Variants in DLG2 observed in about 807,000 individuals in gnomAD.
DLG2 encodes discs large MAGUK scaffold protein 2, also known as disks large homolog 2.
DLG2 carries 45 observed loss-of-function variants against 132.5 expected under a neutral mutation model. The ratio of observed to expected loss-of-function variants is 0.34; its 90% CI spans 0.27 to 0.44. The LOEUF is 0.44. DLG2 is among the 20% of genes least tolerant of loss of function. DLG2 has a pLI of 1.00. For missense variants in DLG2, 1,045 were observed against 1,196.9 expected (o/e 0.87, Z 1.87); for synonymous variants, 424 against 419.6 (o/e 1.01, Z -0.13).
intron 4 of DLG2, among the ~76,000 whole-genome samples, chr11:85,186,929 C>T (rs1429403720): frequency 6.6e-6 from 1 of 151,980 alleles, no homozygotes; most frequent in East Asian, 1.9e-4. Context: ...CAAAATCAGC[C>T]CATATCGATA....
intron 6 of DLG2, among the ~76,000 whole-genome samples, chr11:85,027,690 G>A (rs1021562130): frequency 1.3e-5 from 2 of 152,218 alleles, no homozygotes; most frequent in Non-Finnish European, 2.9e-5. Context: ...GGCTGTGGCT[G>A]GACCAAATGT....
intron 6 of DLG2, chr11:85,021,464 G>A (rs1426592724): frequency 1.4e-5 from 20 of 1,423,004 alleles, no homozygotes; most frequent in South Asian, 4.6e-5. Context: ...ACAGCAGCCC[G>A]GGCATTTCTC....
chr11:84,896,574 G>T (rs2090213334), intron 6 of DLG2, among the ~76,000 whole-genome samples: 1 of 152,014 alleles, frequency 6.6e-6, no homozygotes, highest in Non-Finnish European at 1.5e-5. Flanking sequence ...CCATATGCCA[G>T]ACTGTCATTT....
At chr11:85,051,722 C>T (rs1278261414) in intron 6 of DLG2, among the ~76,000 whole-genome samples, 1 of 152,102 alleles carries the variant, frequency 6.6e-6, no homozygotes, top group Non-Finnish European at 1.5e-5. Flanking sequence ...CTTGGCTAGT[C>T]ACTCAAAGTC....
At chr11:84,916,159 A>C (rs1344900589) in intron 6 of DLG2, among the ~76,000 whole-genome samples, 1 of 151,096 alleles carries the variant, frequency 6.6e-6, no homozygotes, top group East Asian at 2.0e-4. Flanking sequence ...TCCCGGCTAA[A>C]ACGGTGAAAC....
chr11:84,312,888 T>A (rs918466940), intron 7 of DLG2, among the ~76,000 whole-genome samples: 7 of 152,018 alleles, frequency 4.6e-5, no homozygotes, highest in Admixed American at 1.3e-4. Flanking sequence ...CGGCTCACTG[T>A]AACCTCCACC....
intron 6 of DLG2, among the ~76,000 whole-genome samples, chr11:84,597,269 G>A (rs943241700): frequency 1.6e-4 from 24 of 152,218 alleles, no homozygotes; most frequent in African/African-American, 5.5e-4. Context: ...CGCTTATGGA[G>A]CTTTAGAGTC....
In DLG2 at chr11:83,643,347, C is replaced by A. The variant is rs551496208; in HGVS notation, c.1826-10022G>T. 7.9e-5 allele frequency among the ~76,000 whole-genome samples: 12 copies of A among 152,288 alleles called. No individual in the cohort carries two copies. In the South Asian group the frequency reaches 2.5e-3, roughly 32 times the overall value. On this transcript the variant is annotated intron_variant, in intron 18 of 27. Coordinates refer to ENST00000376104, the MANE Select transcript of DLG2 (RefSeq NM_001142699.3). ...AACTTCAGATATTATTAGGGCCTAG[C>A]TGCCAATGGTGATTCTCTCAAGATT...
chr11:84,572,995 A>C (rs1188991956), intron 6 of DLG2, among the ~76,000 whole-genome samples: 2 of 152,152 alleles, frequency 1.3e-5, no homozygotes, highest in African/African-American at 4.8e-5. Flanking sequence ...GTCTCCTGCC[A>C]AAAATCTAAG....
In DLG2 at chr11:84,155,553, G is replaced by A. The variant is rs1157837160; in HGVS notation, c.624+7908C>T. Among the ~76,000 whole-genome samples the A allele has an allele frequency of 8.6e-5, 13 of 151,598 alleles. No homozygotes were observed. In the East Asian group the frequency reaches 2.5e-3, roughly 29 times the overall value. The stretch of plus-strand genomic sequence containing the variant: ...TGGTGATCTAAAGGGTCTGCCCCTG[G>A]AAATACACACCCAATGCCAGGTGCA... On this transcript the variant is annotated intron_variant, in intron 9 of 27. Transcript: ENST00000376104.
chr11:85,343,313 G>C (rs979075445), intron 3 of DLG2, among the ~76,000 whole-genome samples: 2 of 152,044 alleles, frequency 1.3e-5, no homozygotes, highest in Non-Finnish European at 2.9e-5. Flanking sequence ...TTCTGAATTT[G>C]TCTAACTGCT....
chr11:85,227,880 A>G (rs1038411584), intron 4 of DLG2, among the ~76,000 whole-genome samples: 1 of 151,936 alleles, frequency 6.6e-6, no homozygotes, highest in African/African-American at 2.4e-5. Flanking sequence ...TAACCCATCT[A>G]TCTGTATTCA....
intron 18 of DLG2, among the ~76,000 whole-genome samples, chr11:83,635,518 A>C (rs1038276090): frequency 2.7e-4 from 40 of 150,670 alleles, no homozygotes; most frequent in Admixed American, 9.3e-4. Context: ...CTTCTCTCTC[A>C]CTGCTCTCTT....
At chr11:84,356,948 T>C (rs796593214) in intron 7 of DLG2, among the ~76,000 whole-genome samples, 2 of 152,166 alleles carry the variant, frequency 1.3e-5, no homozygotes, top group African/African-American at 4.8e-5. Context: ...TCAAGGGCTA[T>C]TGGGTAGAAA....
chr11:85,627,798 T>C (rs2082103720), upstream of DLG2: 1 of 152,348 alleles, frequency 6.6e-6, no homozygotes, highest in African/African-American at 2.4e-5. Context: ...CTCCACGCGA[T>C]GAAGTGTTTC....
intron 8 of DLG2, among the ~76,000 whole-genome samples, chr11:84,239,946 C>T (rs1392569515): frequency 6.6e-6 from 1 of 152,194 alleles, no homozygotes; most frequent in Non-Finnish European, 1.5e-5. Flanking sequence ...ATTCATTACC[C>T]TTTTCTCCCA....
intron 3 of DLG2, among the ~76,000 whole-genome samples, chr11:85,463,049 C>A (rs547457431): frequency 6.6e-6 from 1 of 152,190 alleles, no homozygotes; most frequent in South Asian, 2.1e-4. Context: ...ACCAACCATA[C>A]CAGAACCTTG....
intron 3 of DLG2, among the ~76,000 whole-genome samples, chr11:85,319,375 A>G (rs773567804): frequency 1.3e-5 from 2 of 151,868 alleles, no homozygotes; most frequent in Non-Finnish European, 3.0e-5. Context: ...GTACATCATT[A>G]ACTTTATGAA....
chr11:83,772,603 G>A (rs531759430), intron 18 of DLG2, among the ~76,000 whole-genome samples: 2 of 151,532 alleles, frequency 1.3e-5, no homozygotes, highest in African/African-American at 4.8e-5. Context: ...GAGGAAGAAA[G>A]GAAGGAAGGA....
Sources: gnomAD v4.1 joint callset for allele counts (sites outside exome capture counted in the v4.1 genomes callset) on GRCh38, gnomAD v4.1.1 for gene constraint, MANE v1.5 for transcripts, NCBI Gene and HGNC (gene_info 2026-07-23, HGNC 2026-07-21) for gene names.